CC2D2B: variants seen among roughly 807,000 people sequenced by gnomAD.
The protein encoded by CC2D2B is protein CC2D2B.
Under a neutral mutation model 161.2 loss-of-function variants are expected in CC2D2B, and 128 were observed. The ratio of observed to expected loss-of-function variants is 0.79; its 90% CI spans 0.69 to 0.92. The LOEUF (loss-of-function observed/expected upper bound fraction) is 0.92. CC2D2B is among the 40% of genes least tolerant of loss of function. The probability of loss-of-function intolerance (pLI) is 0.00; values close to 1 mark genes in which losing one functional copy is unlikely to be tolerated. For synonymous variants in CC2D2B, 391 were observed against 449.8 expected, an observed-to-expected ratio of 0.87 and a Z score of 1.65; for missense variants, 1,173 against 1,375.1, an observed-to-expected ratio of 0.85 and a Z score of 2.32.
chr10:95,976,570 G>C (rs981236314), intron 17 of CC2D2B, among the ~76,000 whole-genome samples: 1 of 152,180 alleles, frequency 6.6e-6, no homozygotes, highest in Non-Finnish European at 1.5e-5. Context: ...CTGAGCAGTA[G>C]GTTCTAGGAA....
At chr10:95,928,429 T>G (rs1196536492) in intron 6 of CC2D2B, among the ~76,000 whole-genome samples, 1 of 152,190 alleles carries the variant, frequency 6.6e-6, no homozygotes, top group Non-Finnish European at 1.5e-5. Context: ...ACTATTATAC[T>G]TTAAGTTCTG....
intron 12 of CC2D2B, among the ~76,000 whole-genome samples, chr10:95,963,417 C>T (rs780999836): frequency 6.6e-6 from 1 of 152,042 alleles, no homozygotes; most frequent in Non-Finnish European, 1.5e-5. Flanking sequence ...ATCATTTCGT[C>T]ATGTATTTGG....
intron 12 of CC2D2B, among the ~76,000 whole-genome samples, chr10:95,965,270 G>A (rs1258475679): frequency 1.3e-5 from 2 of 152,032 alleles, no homozygotes; most frequent in Non-Finnish European, 2.9e-5. Flanking sequence ...AGGAATAATA[G>A]TACTTACTTC....
At chr10:96,027,746 C>T (rs1476900847) in intron 34 of CC2D2B, among the ~76,000 whole-genome samples, 1 of 152,144 alleles carries the variant, frequency 6.6e-6, no homozygotes, top group African/African-American at 2.4e-5. Context: ...TCAAATTATA[C>T]TATAGAGCTT....
At position 95,983,778 on chromosome 10, in the gene CC2D2B, A is replaced by G. The variant is rs528160252; in HGVS notation, c.2255A>G (p.His752Arg). ...DNFLLQQMPL[H>R]DTEIPDLVFQ... ...TTCCTTCTACAGCAAATGCCCCTCC[A>G]TGATACAGAGATTCCAGATTTAGTC... Residue 752 changes from histidine (H) to arginine (R), a missense_variant, in exon 19 of 35, where the codon CAT (histidine) becomes CGT (arginine). By Grantham distance (29) the His-to-Arg change is conservative. Around this residue, in one of 3 missense-constraint regions of CC2D2B, gnomAD observed 277 missense variants for 420.6 expected, o/e 0.66. Transcript: ENST00000646931. 2 of 1,230,008 alleles carry G rather than the reference A, an allele frequency of 1.6e-6. No homozygotes were observed. The highest frequency in any genetic ancestry group is 1.6e-5 in the African/African-American group (1 of 64,474). 76.2% of individuals were successfully genotyped at this position (1,230,008 alleles called of 1,614,324 possible). A position where few individuals can be genotyped will look rare whatever the true frequency, so the allele number is the denominator to read the frequency against.
chr10:95,979,920 C>T (rs188946438), intron 17 of CC2D2B, among the ~76,000 whole-genome samples: 2 of 152,250 alleles, frequency 1.3e-5, no homozygotes, highest in Non-Finnish European at 1.5e-5. Context: ...TATTTTACCT[C>T]AATTTACAAA....
At chr10:96,025,166 T>A (rs1372889676) in intron 33 of CC2D2B, among the ~76,000 whole-genome samples, 25 of 9,964 alleles carry the variant, frequency 2.5e-3, no homozygotes, top group East Asian at 5.0e-3. Context: ...TATATATATA[T>A]ATATATATAT....
intron 1 of CC2D2B, among the ~76,000 whole-genome samples, chr10:95,909,389 G>A (rs748677871): frequency 6.6e-6 from 1 of 152,136 alleles, no homozygotes; most frequent in South Asian, 2.1e-4. Flanking sequence ...TCATAACTGT[G>A]AATGAGACCT....
Position 96,027,266 on chromosome 10 carries a change from A to G in CC2D2B, c.4002A>G (p.Thr1334=). 1 of 1,550,824 alleles carries G rather than the reference A, an allele frequency of 6.4e-7. No homozygotes were observed. Among genetic ancestry groups the G allele is most frequent in the Non-Finnish European group, 8.7e-7 (1 of 1,146,606 alleles). Residue 1334 remains threonine (T), a synonymous_variant, in exon 34 of 35, where the codon ACA becomes ACG. Coordinates refer to ENST00000646931, the MANE Select transcript of CC2D2B (RefSeq NM_001349008.3). ...KVMEWRPKHP[T]HWNRQCTFIL... ...TGGAATGGCGACCTAAACACCCAAC[A>G]CATTGGAATCGACAGTGTACTTTTA...
At chr10:95,933,705 G>C (rs1204706916) in intron 6 of CC2D2B, among the ~76,000 whole-genome samples, 1 of 152,214 alleles carries the variant, frequency 6.6e-6, no homozygotes, top group Non-Finnish European at 1.5e-5. Context: ...GGTGTCACCA[G>C]CAGAGGCTAC....
chr10:95,930,386 T>C (rs2098547859), intron 6 of CC2D2B, among the ~76,000 whole-genome samples: 1 of 152,230 alleles, frequency 6.6e-6, no homozygotes, highest in Non-Finnish European at 1.5e-5. Context: ...ATACCCTTTA[T>C]TTCTTTCTCT....
intron 12 of CC2D2B, among the ~76,000 whole-genome samples, chr10:95,962,943 TGTC>T (rs1247817288): frequency 6.6e-6 from 1 of 152,052 alleles, no homozygotes; most frequent in Non-Finnish European, 1.5e-5. Flanking sequence ...GAGACACAGA[TGTC>T]GTAGGGTTAC....
chr10:95,938,505 T>C lies in CC2D2B; in HGVS notation c.536-64T>C. On this transcript the variant is annotated intron_variant, in intron 7 of 34. Coordinates refer to ENST00000646931, the MANE Select transcript of CC2D2B (RefSeq NM_001349008.3). ...TAATTATAGTTGTTTGTACTACTTA[T>C]TTGGTCAATATCCATTTAATATTTT... 6.3e-6 allele frequency: 4 copies of C among 632,104 alleles called. No individual in the cohort carries two copies. The South Asian group carries it at 8.2e-5, about 13-fold the overall frequency. 39.2% of individuals were successfully genotyped at this position (632,104 alleles called of 1,614,324 possible).
intron 20 of CC2D2B, among the ~76,000 whole-genome samples, chr10:95,988,723 C>T (rs1185425039): frequency 6.6e-6 from 1 of 152,132 alleles, no homozygotes; most frequent in Non-Finnish European, 1.5e-5. Context: ...GAAGGAGCTA[C>T]CAGAGGCACA....
At chr10:96,012,828 G>C in intron 28 of CC2D2B, 99 bp downstream of exon 28, 1 of 719,864 alleles carries the variant, frequency 1.4e-6, no homozygotes, top group African/African-American at 1.8e-5. Flanking sequence ...CTAGTGAGTT[G>C]TCTGTCCTCA....
chr10:96,026,126 C>T (rs1177726042), intron 33 of CC2D2B, among the ~76,000 whole-genome samples: 1 of 152,174 alleles, frequency 6.6e-6, no homozygotes, highest in Non-Finnish European at 1.5e-5. Context: ...TTGAGACCCT[C>T]TACAAACTCC....
In CC2D2B at chr10:96,016,249, C is replaced by G. The variant is rs2079194140; in HGVS notation, c.3565C>G (p.Leu1189Val). 1 of 1,613,270 alleles carries G rather than the reference C, an allele frequency of 6.2e-7. No homozygotes were observed. Among genetic ancestry groups the G allele is most frequent in the Admixed American group, 1.7e-5 (1 of 59,862 alleles). The change falls in exon 30 of 35, where the codon CTC becomes GTC. Residue 1189 changes from leucine (L) to valine (V), a missense_variant. By Grantham distance (32) the Leu-to-Val change is conservative (BLOSUM62 1). Transcript: ENST00000646931. Reference protein sequence around the residue: ...IGNKEEHAILLCNFFLYFGKK... With the variant: ...IGNKEEHAILVCNFFLYFGKK... ...AAATAAGGAGGAGCATGCCATCCTT[C>G]TCTGTAATTTCTTTCTGTATTTTGG...
At chr10:95,920,209 TAAAG>T (rs1339487526) in intron 2 of CC2D2B, 1 of 152,186 alleles carries the variant, frequency 6.6e-6, no homozygotes, top group African/African-American at 2.4e-5. Context: ...CGCACTGCTA[TAAAG>T]ATAGTACCCT....
intron 17 of CC2D2B, among the ~76,000 whole-genome samples, chr10:95,974,431 G>C (rs2077245164): frequency 6.6e-6 from 1 of 152,134 alleles, no homozygotes; most frequent in Non-Finnish European, 1.5e-5. Flanking sequence ...AAGACTCCCA[G>C]GGACTTTATT....
Sources: allele counts gnomAD v4.1 joint callset (sites outside exome capture counted in the v4.1 genomes callset), GRCh38; gene constraint gnomAD v4.1.1; regional missense constraint gnomAD v4.1.1; transcripts MANE v1.5; gene names NCBI Gene and HGNC (gene_info 2026-07-23, HGNC 2026-07-21).